THSD7A: variants seen among roughly 807,000 people sequenced by gnomAD.
THSD7A encodes thrombospondin type 1 domain containing 7A.
A neutral mutation model predicts 231.3 loss-of-function variants in THSD7A; 96 were observed. That is an observed-to-expected ratio of 0.41 (90% CI 0.35 to 0.49). THSD7A has a LOEUF of 0.49. Ranked by LOEUF, THSD7A falls within the 20% of genes least tolerant of loss-of-function variation. The probability of loss-of-function intolerance (pLI) is 0.05; values close to 1 mark genes in which losing one functional copy is unlikely to be tolerated. For synonymous variants in THSD7A, 940 were observed against 743.3 expected (o/e 1.26, Z -4.30); for missense variants, 2,290 against 2,070.2 (o/e 1.11, Z -2.06).
At chr7:11,441,690 G>A (rs1042614892) in intron 13 of THSD7A, among the ~76,000 whole-genome samples, 7 of 151,896 alleles carry the variant, frequency 4.6e-5, no homozygotes, top group African/African-American at 1.7e-4. Flanking sequence ...AGATGATATT[G>A]GTTGATGAAA....
intron 1 of THSD7A, among the ~76,000 whole-genome samples, chr7:11,819,632 A>G (rs1163600466): frequency 2.6e-5 from 4 of 152,216 alleles, no homozygotes; most frequent in African/African-American, 7.2e-5. Flanking sequence ...GAGACAGTAA[A>G]AAGATATGTC....
At chr7:11,795,315 T>C (rs1050638023) in intron 1 of THSD7A, among the ~76,000 whole-genome samples, 6 of 151,888 alleles carry the variant, frequency 4.0e-5, no homozygotes, top group Non-Finnish European at 7.4e-5. Flanking sequence ...TATTAAAATA[T>C]AAAGAGTTAC....
chr7:11,407,194 G>T, intron 20 of THSD7A, 112 bp downstream of exon 20: 1 of 1,450,476 alleles, frequency 6.9e-7, no homozygotes, highest in Non-Finnish European at 9.4e-7. Flanking sequence ...TGCAAAGAAA[G>T]ACAACCAATC....
At chr7:11,801,093 G>C (rs1484030848) in intron 1 of THSD7A, among the ~76,000 whole-genome samples, 1 of 151,960 alleles carries the variant, frequency 6.6e-6, no homozygotes, top group African/African-American at 2.4e-5. Flanking sequence ...CTTGGGCCCA[G>C]GAATTCAAGA....
chr7:11,688,744 C>T (rs764100838), intron 1 of THSD7A, among the ~76,000 whole-genome samples: 3 of 151,546 alleles, frequency 2.0e-5, no homozygotes, highest in Non-Finnish European at 4.4e-5. Flanking sequence ...TAGGCAGATC[C>T]GAAATGAGAG....
intron 1 of THSD7A, among the ~76,000 whole-genome samples, chr7:11,678,411 GT>G (rs566261953): frequency 2.0e-5 from 3 of 151,934 alleles, no homozygotes; most frequent in South Asian, 2.1e-4. Flanking sequence ...ACAGGAGCTG[GT>G]TTTTTTGAAA....
chr7:11,593,271 T>G lies in THSD7A; in HGVS notation c.1254A>C (p.Gly418=). The G allele has an allele frequency of 6.2e-7, 1 of 1,613,954 alleles. No homozygotes were observed. Among genetic ancestry groups the G allele is most frequent in the South Asian group, 1.1e-5 (1 of 91,086 alleles). Residue 418 remains glycine (G), a synonymous_variant, in exon 3 of 28, where the codon GGA becomes GGC. Coordinates refer to ENST00000423059, the MANE Select transcript of THSD7A (RefSeq NM_015204.3). ...TTACTCACGTGGCACAGGGGACAAC[T>G]CCATCTCCTTGAGACAAACAGGGTT... ...EKEPCLSQGD[G]VVPCATYGWR...
chr7:11,787,478 G>A (rs75902814), intron 1 of THSD7A, among the ~76,000 whole-genome samples: 3,594 of 152,054 alleles, frequency 0.024, 60 homozygotes, highest in East Asian at 0.11. Context: ...GACAAGCCAC[G>A]CATTGGGAGA....
chr7:11,691,294 T>A (rs1780222597), intron 1 of THSD7A, among the ~76,000 whole-genome samples: 1 of 151,546 alleles, frequency 6.6e-6, no homozygotes, highest in Admixed American at 6.6e-5. Flanking sequence ...AGAAAGTGCA[T>A]GGTAATAGGT....
rs545712223 is a variant in THSD7A, at chr7:11,501,874, G to C, written c.1823-19892C>G. ...TTTTTTTGAAAAAAGTAATAAAATAGTTTAGCCACTATCTAGACTAATAGA... is the reference window on the plus strand; with the variant it reads ...TTTTTTTGAAAAAAGTAATAAAATACTTTAGCCACTATCTAGACTAATAGA... On this transcript the variant is annotated intron_variant, in intron 6 of 27. Coordinates refer to ENST00000423059, the MANE Select transcript of THSD7A (RefSeq NM_015204.3). Among the ~76,000 whole-genome samples the C allele has an allele frequency of 5.3e-5, 8 of 152,138 alleles. No homozygotes were observed. In the South Asian group the frequency reaches 1.7e-3, roughly 32 times the overall value.
At chr7:11,519,160 T>C (rs916369314) in intron 6 of THSD7A, among the ~76,000 whole-genome samples, 1 of 147,806 alleles carries the variant, frequency 6.8e-6, no homozygotes, top group African/African-American at 2.6e-5. Context: ...AGTAATGTTC[T>C]AAAAAAATGT....
At chr7:11,595,930 T>C (rs1724142360) in intron 2 of THSD7A, among the ~76,000 whole-genome samples, 1 of 152,224 alleles carries the variant, frequency 6.6e-6, no homozygotes, top group African/African-American at 2.4e-5. Context: ...GCTCTGGCAT[T>C]GGTTAATTAA....
In THSD7A at chr7:11,769,122, A is replaced by ATATATATATATATATATATATAT. The variant is rs1491347103; in HGVS notation, c.190+62634_190+62635insATATATATATATATATATATATA. ...ACAGGCACCTGCCATAATTCCTGGC[A>ATATATATATATATATATATATAT]ATATATATATATATATATATATATA... On this transcript the variant is annotated intron_variant, in intron 1 of 27. Coordinates refer to ENST00000423059, the MANE Select transcript of THSD7A (RefSeq NM_015204.3). Among the ~76,000 whole-genome samples, 25 of 35,888 alleles carry ATATATATATATATATATATATAT rather than the reference A, an allele frequency of 7.0e-4. 5 individuals are homozygous for ATATATATATATATATATATATAT. Among genetic ancestry groups the ATATATATATATATATATATATAT allele is most frequent in the Non-Finnish European group, 8.5e-4 (16 of 18,880 alleles). 23.5% of individuals were successfully genotyped at this position (35,888 alleles called of 152,430 possible). A position where few individuals can be genotyped will look rare whatever the true frequency, so the allele number is the denominator to read the frequency against.
Position 11,415,354 on chromosome 7 carries a change from C to A in THSD7A, c.3537+2096G>T, listed in dbSNP as rs140809974. On this transcript the variant is annotated intron_variant, in intron 17 of 27. Coordinates refer to ENST00000423059, the MANE Select transcript of THSD7A (RefSeq NM_015204.3). ...GAATAACTTGCTCCCATAGAAGATT[C>A]ATAGGTAAATTCTTTCATGGCCTCC... is the stretch of plus-strand genomic sequence containing the variant. Among the ~76,000 whole-genome samples the A allele has an allele frequency of 8.7e-3, 1,332 of 152,284 alleles. 75 individuals are homozygous for A. Among genetic ancestry groups the A allele is most frequent in the Admixed American group, 0.07 (1,068 of 15,292 alleles).
chr7:11,496,633 C>T (rs1787112685), intron 6 of THSD7A, among the ~76,000 whole-genome samples: 2 of 152,142 alleles, frequency 1.3e-5, no homozygotes, highest in Admixed American at 1.3e-4. Context: ...ATAAATTACA[C>T]TTCTTCCAAG....
intron 2 of THSD7A, among the ~76,000 whole-genome samples, chr7:11,613,528 C>G (rs1781005764): frequency 6.6e-6 from 1 of 152,180 alleles, no homozygotes; most frequent in African/African-American, 2.4e-5. Context: ...ATACCTCTCA[C>G]TCCTATGAAC....
chr7:11,596,895 A>G (rs781429194), intron 2 of THSD7A, among the ~76,000 whole-genome samples: 9 of 152,214 alleles, frequency 5.9e-5, no homozygotes, highest in Non-Finnish European at 1.0e-4. Context: ...TCCTGTCCAT[A>G]AGGCCCATCA....
At chr7:11,703,552 A>G (rs898767069) in intron 1 of THSD7A, among the ~76,000 whole-genome samples, 2 of 151,182 alleles carry the variant, frequency 1.3e-5, no homozygotes, top group East Asian at 3.9e-4. Context: ...AGATATTTGC[A>G]TTTCTTAAAC....
Position 11,512,942 on chromosome 7 carries a change from GAT to G in THSD7A, c.1822+28475_1822+28476del, listed in dbSNP as rs59121982. Among the ~76,000 whole-genome samples, 734 of 101,946 alleles carry G rather than the reference GAT, an allele frequency of 7.2e-3. 81 individuals carry two copies. The highest frequency in any genetic ancestry group is 0.03 in the African/African-American group (657 of 21,622). 66.9% of individuals were successfully genotyped at this position (101,946 alleles called of 152,430 possible). A position where few individuals can be genotyped will look rare whatever the true frequency, so the allele number is the denominator to read the frequency against. On this transcript the variant is annotated intron_variant, in intron 6 of 27. Coordinates refer to ENST00000423059, the MANE Select transcript of THSD7A (RefSeq NM_015204.3). ...TAAAGTATAATAAAAAAGAAACTATGATATATATATATATATATGTAAAATAC... is the reference window on the plus strand; with the variant it reads ...TAAAGTATAATAAAAAAGAAACTATGATATATATATATATATGTAAAATAC...
Sources: gnomAD v4.1 joint callset for allele counts (sites outside exome capture counted in the v4.1 genomes callset) on GRCh38, gnomAD v4.1.1 for gene constraint, MANE v1.5 for transcripts, NCBI Gene and HGNC (gene_info 2026-07-23, HGNC 2026-07-21) for gene names.